NFIA: variants seen among roughly 807,000 people sequenced by gnomAD.
NFIA encodes nuclear factor 1 A-type.
NFIA carries 8 observed loss-of-function variants against 62.8 expected under a neutral mutation model. The observed-to-expected ratio is 0.13, with a 90% CI of 0.07 to 0.23. The LOEUF is 0.23. Ranked by LOEUF, NFIA falls within the 10% of genes least tolerant of loss-of-function variation. The pLI is 1.00. For synonymous variants in NFIA, 235 were observed against 238.1 expected, an observed-to-expected ratio of 0.99 and a Z score of 0.12; for missense variants, 410 against 642.1, an observed-to-expected ratio of 0.64 and a Z score of 3.91.
chr1:61,154,745 A>C (rs1049787089), intron 2 of NFIA, among the ~76,000 whole-genome samples: 1 of 152,342 alleles, frequency 6.6e-6, no homozygotes, highest in Middle Eastern at 3.4e-3. Context: ...GAGCCACTGC[A>C]TCTGGCCAAA....
chr1:61,080,245 T>C (rs1381651332), upstream of NFIA, among the ~76,000 whole-genome samples: 3 of 151,766 alleles, frequency 2.0e-5, no homozygotes, highest in Non-Finnish European at 2.9e-5. Context: ...ACAAAAGAAG[T>C]TTTTAAAGTA....
Position 61,277,597 on chromosome 1 carries a change from T to C in NFIA, c.625+12T>C. ...CCAGCCAGAAAATGGTAAGTTTAGC[T>C]TGGGACTCTAGCTGCTGCTTTCAGA... On this transcript the variant is annotated intron_variant, in intron 3 of 10. Coordinates refer to ENST00000403491, the MANE Select transcript of NFIA (RefSeq NM_001134673.4). 5.6e-6 allele frequency: 9 copies of C among 1,613,614 alleles called. No homozygotes were observed. The highest frequency in any genetic ancestry group is 1.1e-5 in the South Asian group (1 of 91,060).
rs1271025246 is a variant in NFIA, at chr1:61,461,098, C to T, written c.*5778C>T. On this transcript the variant is annotated 3_prime_UTR_variant, in exon 11 of 11. Coordinates refer to ENST00000403491, the MANE Select transcript of NFIA (RefSeq NM_001134673.4). ...ACCTGGCGAGATTTTTGTCTCAAAA[C>T]GACTATTTGAATTTCAAGAACTGTG... The T allele has an allele frequency of 6.6e-6, 1 of 151,984 alleles. No homozygotes were observed. The highest frequency in any genetic ancestry group is 1.5e-5 in the Non-Finnish European group (1 of 68,020). The allele number at this position is 151,984 out of a possible 1,614,324, so 9.4% of individuals were successfully genotyped here.
upstream of NFIA, among the ~76,000 whole-genome samples, chr1:61,079,611 A>G (rs1399417330): frequency 6.6e-6 from 1 of 152,198 alleles, no homozygotes; most frequent in East Asian, 1.9e-4. Context: ...GTTATTTCCA[A>G]TAAGGGGTTT....
chr1:61,316,419 G>A (rs1206631841), intron 3 of NFIA, among the ~76,000 whole-genome samples: 2 of 152,110 alleles, frequency 1.3e-5, no homozygotes, highest in African/African-American at 4.8e-5. Context: ...ACACTGGAGG[G>A]TATTTTCCTC....
chr1:61,359,270 G>T lies in NFIA; in HGVS notation c.942G>T (p.Glu314Asp). The T allele has an allele frequency of 6.2e-7, 1 of 1,612,312 alleles. No homozygotes were observed. Among genetic ancestry groups the T allele is most frequent in the Non-Finnish European group, 8.5e-7 (1 of 1,179,954 alleles). ...AGTCAAGTGGATGGCATGAAGTGGA[G>T]CCAGGTAAGCAGAGTGGCGGCACGG... ...GSQSSGWHEV[E>D]PGMPSPTTLK... is the part of the protein sequence containing the mutation. The change falls in exon 6 of 11, where the codon GAG becomes GAT. Residue 314 changes from glutamate to aspartate, a missense_variant. Transcript: ENST00000403491.
upstream of NFIA, chr1:61,081,866 T>C: frequency 5.2e-6 from 8 of 1,538,014 alleles, no homozygotes; most frequent in East Asian, 2.5e-5. Flanking sequence ...GAGATTACAA[T>C]GCTTTGAGCC....
At chr1:61,252,650 A>G (rs1210577521) in intron 2 of NFIA, among the ~76,000 whole-genome samples, 2 of 152,248 alleles carry the variant, frequency 1.3e-5, no homozygotes, top group Non-Finnish European at 2.9e-5. Flanking sequence ...GATGCATTAT[A>G]GATACGCATT....
At chr1:61,217,611 T>C (rs17377134) in intron 2 of NFIA, among the ~76,000 whole-genome samples, 6,933 of 152,196 alleles carry the variant, frequency 0.046, 222 homozygotes, top group Non-Finnish European at 0.069. Flanking sequence ...CTGGATCTGG[T>C]TGGGAAAAGC....
At chr1:61,265,682 T>C (rs1320270102) in intron 2 of NFIA, among the ~76,000 whole-genome samples, 2 of 152,368 alleles carry the variant, frequency 1.3e-5, no homozygotes, top group African/African-American at 4.8e-5. Context: ...ATACATATTT[T>C]TAAGTATTAT....
chr1:61,234,754 G>T (rs1570427177), intron 2 of NFIA, among the ~76,000 whole-genome samples: 2 of 152,248 alleles, frequency 1.3e-5, no homozygotes, highest in Admixed American at 6.5e-5. Flanking sequence ...GTCTGAGAGC[G>T]GATGACTTAC....
chr1:61,278,041 A>T (rs534448924), intron 3 of NFIA, among the ~76,000 whole-genome samples: 1 of 97,000 alleles, frequency 1.0e-5, no homozygotes. Context: ...CACTTTGCCA[A>T]TTCCTTTAAG....
chr1:61,192,961 T>C (rs1651746806), intron 2 of NFIA, among the ~76,000 whole-genome samples: 1 of 152,232 alleles, frequency 6.6e-6, no homozygotes, highest in Non-Finnish European at 1.5e-5. Context: ...TACCTGGCCC[T>C]AGCTTAGATT....
intron 5 of NFIA, among the ~76,000 whole-genome samples, chr1:61,354,882 C>T (rs528302518): frequency 5.8e-4 from 89 of 152,140 alleles, no homozygotes; most frequent in Non-Finnish European, 1.2e-3. Context: ...CAGCAGCGAA[C>T]GTTATTAGTA....
chr1:61,179,758 A>T (rs1650625683), intron 2 of NFIA, among the ~76,000 whole-genome samples: 1 of 152,148 alleles, frequency 6.6e-6, no homozygotes, highest in South Asian at 2.1e-4. Flanking sequence ...AGAGTTGCTA[A>T]CCCTGCTTTG....
chr1:61,425,804 G>A (rs1396121559), intron 9 of NFIA, among the ~76,000 whole-genome samples: 8 of 152,178 alleles, frequency 5.3e-5, no homozygotes, highest in Non-Finnish European at 1.2e-4. Flanking sequence ...AGTTGATAAA[G>A]GGTCTTGATA....
intron 2 of NFIA, among the ~76,000 whole-genome samples, chr1:61,128,992 G>A (rs753372281): frequency 2.5e-5 from 3 of 121,894 alleles, no homozygotes; most frequent in East Asian, 5.1e-4. Flanking sequence ...ACACGATCTC[G>A]GCTCACTGCA....
At chr1:61,292,854 CAAA>C (rs1225535697) in intron 3 of NFIA, among the ~76,000 whole-genome samples, 1 of 152,128 alleles carries the variant, frequency 6.6e-6, no homozygotes, top group Non-Finnish European at 1.5e-5. Context: ...ATGCTTACAG[CAAA>C]AGTTTTCTTC....
intron 2 of NFIA, among the ~76,000 whole-genome samples, chr1:61,197,040 A>G: frequency 6.6e-6 from 1 of 152,008 alleles, no homozygotes; most frequent in East Asian, 1.9e-4. Flanking sequence ...TTGAATTTCC[A>G]CTTCAGTGAT....
Sources: gnomAD v4.1 joint callset for allele counts (sites outside exome capture counted in the v4.1 genomes callset) on GRCh38, gnomAD v4.1.1 for gene constraint, MANE v1.5 for transcripts, NCBI Gene and HGNC (gene_info 2026-07-23, HGNC 2026-07-21) for gene names.